Variants in WWOX observed in about 807,000 individuals in gnomAD.
The protein encoded by WWOX is WW domain containing oxidoreductase.
A neutral mutation model predicts 46.2 loss-of-function variants in WWOX; 69 were observed. The observed-to-expected ratio is 1.49, with a 90% CI of 1.23 to 1.82. WWOX has a LOEUF of 1.82. WWOX is among the 40% of genes most tolerant of loss of function. The pLI, the probability that WWOX is intolerant of heterozygous loss-of-function variation, is 0.00. For missense variants in WWOX, 919 were observed against 542.6 expected (o/e 1.69, Z -6.89); for synonymous variants, 359 against 202.6 (o/e 1.77, Z -6.56).
intron 8 of WWOX, among the ~76,000 whole-genome samples, chr16:78,434,202 A>G (rs2083287735): frequency 1.3e-5 from 2 of 150,098 alleles, no homozygotes; most frequent in African/African-American, 2.5e-5. Context: ...GTAAACAGAC[A>G]TATTCCAAGA....
intron 5 of WWOX, among the ~76,000 whole-genome samples, chr16:78,304,611 C>T (rs13336101): frequency 0.12 from 18,533 of 152,230 alleles, 1,185 homozygotes; most frequent in East Asian, 0.15. Context: ...GATATATACG[C>T]GTGCTGCTTC....
rs910642012 is a variant in WWOX at position 78,657,460 on chromosome 16, G to A, written c.1056+224708G>A. ...GGACAAGCTTGTCAGTGAGGGTCCA[G>A]GTGGTTCCCTGCCACTACGATGCAT... On this transcript the variant is annotated intron_variant, in intron 8 of 8. Transcript: ENST00000566780. Among the ~76,000 whole-genome samples the A allele has an allele frequency of 2.6e-5, 4 of 152,280 alleles. 2 individuals carry two copies. The highest frequency in any genetic ancestry group is 2.6e-4 in the Admixed American group (4 of 15,290).
At chr16:78,350,531 C>G (rs79832862) in intron 5 of WWOX, among the ~76,000 whole-genome samples, 1 of 121,450 alleles carries the variant, frequency 8.2e-6, no homozygotes, top group East Asian at 1.9e-4. Flanking sequence ...CTATTCTAGA[C>G]TTTTCATATA....
At position 79,174,284 on chromosome 16, in the gene WWOX, A is replaced by G. The variant is rs149273952; in HGVS notation, c.1057-37324A>G. On this transcript the variant is annotated intron_variant, in intron 8 of 8. Coordinates refer to ENST00000566780, the MANE Select transcript of WWOX (RefSeq NM_016373.4). ...TCCTTACCTGTCAGGCAGTTACTGA[A>G]AAATTATCTTTTCCCCCAAATACAA... Among the ~76,000 whole-genome samples the G allele has an allele frequency of 3.0e-4, 45 of 152,346 alleles. 1 individual carries two copies. The highest frequency in any genetic ancestry group is 5.1e-4 in the Non-Finnish European group (35 of 68,024).
chr16:79,144,108 A>G (rs1304759580), intron 8 of WWOX, among the ~76,000 whole-genome samples: 1 of 152,154 alleles, frequency 6.6e-6, no homozygotes, highest in Non-Finnish European at 1.5e-5. Flanking sequence ...TATGTTGCCC[A>G]GGCTTGTCTT....
intron 5 of WWOX, among the ~76,000 whole-genome samples, chr16:78,230,121 C>T (rs1354256190): frequency 6.6e-6 from 1 of 151,914 alleles, no homozygotes. Flanking sequence ...CTCTAGCAAT[C>T]CTCCCACCTC....
chr16:79,002,895 A>T (rs1047911037), intron 8 of WWOX, among the ~76,000 whole-genome samples: 5 of 152,192 alleles, frequency 3.3e-5, no homozygotes, highest in African/African-American at 7.2e-5. Context: ...GTCAAGGGAG[A>T]CTGCCTGTAC....
At chr16:78,108,616 C>A in intron 2 of WWOX, 129 bp downstream of exon 2, 1 of 972,012 alleles carries the variant, frequency 1.0e-6, no homozygotes, top group Non-Finnish European at 1.6e-6. Flanking sequence ...GACTCCCACT[C>A]TGAGGAGCTT....
chr16:78,970,929 G>T (rs189758458), intron 8 of WWOX, among the ~76,000 whole-genome samples: 1 of 152,102 alleles, frequency 6.6e-6, no homozygotes, highest in Non-Finnish European at 1.5e-5. Flanking sequence ...GGTGGTCTCT[G>T]TTTTGCTTAC....
intron 8 of WWOX, among the ~76,000 whole-genome samples, chr16:78,928,104 C>G (rs1467520718): frequency 1.3e-5 from 2 of 151,898 alleles, no homozygotes; most frequent in Non-Finnish European, 2.9e-5. Context: ...GCCTTTTGTC[C>G]GTATGTATTT....
intron 8 of WWOX, among the ~76,000 whole-genome samples, chr16:78,689,467 C>T (rs1446248946): frequency 6.6e-6 from 1 of 152,196 alleles, no homozygotes; most frequent in Admixed American, 6.5e-5. Context: ...TCCTCAGAGC[C>T]CACTTCTCAA....
At chr16:78,534,397 A>T (rs2043705684) in intron 8 of WWOX, 1 of 152,228 alleles carries the variant, frequency 6.6e-6, no homozygotes, top group Admixed American at 6.5e-5. Context: ...TGAAACAACC[A>T]ACTGAAAACC....
chr16:79,190,658 C>G (rs979672645), intron 8 of WWOX, among the ~76,000 whole-genome samples: 4 of 152,202 alleles, frequency 2.6e-5, no homozygotes, highest in South Asian at 2.1e-4. Flanking sequence ...TGATTAACTA[C>G]TTGGCATTAG....
chr16:78,828,817 T>C (rs1367489742), intron 8 of WWOX, among the ~76,000 whole-genome samples: 11 of 152,182 alleles, frequency 7.2e-5, no homozygotes, highest in Non-Finnish European at 1.6e-4. Flanking sequence ...TTGGAAACTA[T>C]GTAATGGAGA....
intron 8 of WWOX, among the ~76,000 whole-genome samples, chr16:78,612,500 C>T (rs547145264): frequency 1.1e-4 from 17 of 152,292 alleles, no homozygotes; most frequent in South Asian, 2.1e-4. Flanking sequence ...GTTTTGTAGA[C>T]AGAGCTCAAT....
In WWOX at chr16:78,784,165, T is replaced by C. The variant is rs189388983; in HGVS notation, c.1056+351413T>C. Among the ~76,000 whole-genome samples, 491 of 152,278 alleles carry C rather than the reference T, an allele frequency of 3.2e-3. 1 individual carries two copies. The highest frequency in any genetic ancestry group is 0.011 in the African/African-American group (470 of 41,570). The stretch of plus-strand genomic sequence containing the variant: ...AACCCTATAAGTCAGTGCCATTGCT[T>C]TTCCCATGTAACGTGCACATCATTC... On this transcript the variant is annotated intron_variant, in intron 8 of 8. Transcript: ENST00000566780.
At chr16:79,035,240 G>A (rs747099248) in intron 8 of WWOX, among the ~76,000 whole-genome samples, 10 of 152,114 alleles carry the variant, frequency 6.6e-5, no homozygotes, top group Admixed American at 5.2e-4. Context: ...ACAAGACCAC[G>A]TACCTTCCAG....
At chr16:78,916,960 C>T (rs917830841) in intron 8 of WWOX, among the ~76,000 whole-genome samples, 7 of 151,994 alleles carry the variant, frequency 4.6e-5, no homozygotes, top group African/African-American at 1.7e-4. Flanking sequence ...GACCTGGTTC[C>T]CCTCTTTTCA....
At chr16:78,518,308 C>T (rs547433367) in intron 8 of WWOX, among the ~76,000 whole-genome samples, 9 of 152,100 alleles carry the variant, frequency 5.9e-5, no homozygotes, top group East Asian at 5.8e-4. Flanking sequence ...CTCAACTCAC[C>T]GCAGCCTCCG....
Sources: allele counts gnomAD v4.1 joint callset (sites outside exome capture counted in the v4.1 genomes callset), GRCh38; gene constraint gnomAD v4.1.1; transcripts MANE v1.5; gene names NCBI Gene and HGNC (gene_info 2026-07-23, HGNC 2026-07-21).